TRPM3: variants seen among roughly 807,000 people sequenced by gnomAD.
The protein encoded by TRPM3 is long transient receptor potential channel 3.
A neutral mutation model predicts 181.2 loss-of-function variants in TRPM3; 77 were observed. The ratio of observed to expected loss-of-function variants is 0.42; its 90% CI spans 0.35 to 0.51. The LOEUF is 0.51. Among genes scored for constraint, TRPM3 ranks in the 20% least tolerant of loss-of-function variants. The probability of loss-of-function intolerance (pLI) is 0.01; values close to 1 mark genes in which losing one functional copy is unlikely to be tolerated. For missense variants in TRPM3, 1,759 were observed against 2,196.7 expected (o/e 0.80, Z 3.98); for synonymous variants, 745 against 796.4 (o/e 0.94, Z 1.09).
At chr9:70,991,825 C>T (rs1238614297) in intron 1 of TRPM3, among the ~76,000 whole-genome samples, 1 of 152,162 alleles carries the variant, frequency 6.6e-6, no homozygotes, top group Non-Finnish European at 1.5e-5. Context: ...TCCTTGTACT[C>T]TACATTCCAT....
At chr9:71,316,046 A>G (rs953855204) in intron 1 of TRPM3, among the ~76,000 whole-genome samples, 2 of 152,186 alleles carry the variant, frequency 1.3e-5, no homozygotes, top group African/African-American at 4.8e-5. Context: ...TTTGCTATAG[A>G]ACTTCAAGTA....
intron 3 of TRPM3, among the ~76,000 whole-genome samples, chr9:70,857,244 C>A (rs985012709): frequency 3.3e-5 from 5 of 152,092 alleles, no homozygotes; most frequent in African/African-American, 1.2e-4. Context: ...TGGCTTGGTA[C>A]TTAACAGGAA....
At chr9:71,374,709 G>C (rs573125396) in intron 1 of TRPM3, among the ~76,000 whole-genome samples, 4 of 152,146 alleles carry the variant, frequency 2.6e-5, no homozygotes, top group African/African-American at 9.7e-5. Context: ...CATTGTCTCA[G>C]CCCAAAAGCT....
chr9:71,283,675 G>A (rs1453543242), intron 1 of TRPM3, among the ~76,000 whole-genome samples: 2 of 152,116 alleles, frequency 1.3e-5, no homozygotes, highest in African/African-American at 4.8e-5. Flanking sequence ...TTCATCTGTT[G>A]GTGGGCACTT....
intron 9 of TRPM3, among the ~76,000 whole-genome samples, chr9:70,651,927 A>G (rs1366325562): frequency 6.6e-6 from 1 of 152,134 alleles, no homozygotes; most frequent in African/African-American, 2.4e-5. Flanking sequence ...TAACTGAAAT[A>G]TTGGGAATGG....
intron 1 of TRPM3, among the ~76,000 whole-genome samples, chr9:71,394,008 T>C (rs1006937118): frequency 1.3e-5 from 2 of 152,200 alleles, no homozygotes; most frequent in Admixed American, 1.3e-4. Context: ...AAAATGTGTA[T>C]TGTGTATGTA....
intron 1 of TRPM3, among the ~76,000 whole-genome samples, chr9:71,425,463 A>G (rs2093847016): frequency 6.6e-6 from 1 of 152,118 alleles, no homozygotes; most frequent in African/African-American, 2.4e-5. Context: ...TTCTTGATTC[A>G]TGTGCCTCTC....
At chr9:71,020,018 C>T (rs2097829782) in intron 1 of TRPM3, among the ~76,000 whole-genome samples, 1 of 152,066 alleles carries the variant, frequency 6.6e-6, no homozygotes, top group African/African-American at 2.4e-5. Flanking sequence ...CTACTTCACA[C>T]TATACATAAT....
Position 70,534,559 on chromosome 9 carries a change from A to T in TRPM3, c.*1394T>A, listed in dbSNP as rs2041345641. Reference sequence around the variant, plus strand: ...CATGTGTATAAGTGGCATATACTATAGAACTCTTTATATGGTTTATTTGCT... The same window carrying T: ...CATGTGTATAAGTGGCATATACTATTGAACTCTTTATATGGTTTATTTGCT... On this transcript the variant is annotated 3_prime_UTR_variant, in exon 26 of 26. Coordinates refer to ENST00000677713, the MANE Select transcript of TRPM3 (RefSeq NM_001366145.2). 6.6e-6 allele frequency: 1 copy of T among 152,232 alleles called. No homozygotes were observed. The highest frequency in any genetic ancestry group is 6.5e-5 in the Admixed American group (1 of 15,280). The allele number at this position is 152,232 out of a possible 1,614,324, so 9.4% of individuals were successfully genotyped here.
intron 1 of TRPM3, among the ~76,000 whole-genome samples, chr9:71,359,061 C>A (rs2092027376): frequency 6.6e-6 from 1 of 152,224 alleles, no homozygotes; most frequent in South Asian, 2.1e-4. Context: ...GAAATGAAAG[C>A]CAAGAATCAT....
intron 12 of TRPM3, among the ~76,000 whole-genome samples, chr9:70,631,503 A>C (rs778597594): frequency 1.4e-4 from 21 of 152,058 alleles, no homozygotes; most frequent in Non-Finnish European, 2.8e-4. Context: ...TAGTATAGGT[A>C]ATTTGAAGTA....
At chr9:70,868,135 C>G (rs2095693703) in intron 1 of TRPM3, among the ~76,000 whole-genome samples, 1 of 151,938 alleles carries the variant, frequency 6.6e-6, no homozygotes, top group Non-Finnish European at 1.5e-5. Context: ...GCTTCTATGG[C>G]CCCCAGAAAA....
At chr9:70,797,990 C>A (rs2087676799) in intron 6 of TRPM3, among the ~76,000 whole-genome samples, 1 of 152,188 alleles carries the variant, frequency 6.6e-6, no homozygotes, top group African/African-American at 2.4e-5. Flanking sequence ...TCTTGGGTTC[C>A]ACCAAGTACT....
At chr9:71,402,790 C>T (rs940896853) in intron 1 of TRPM3, among the ~76,000 whole-genome samples, 4 of 152,070 alleles carry the variant, frequency 2.6e-5, no homozygotes, top group Non-Finnish European at 5.9e-5. Context: ...AGCTATGATC[C>T]ATGCTGATTG....
intron 1 of TRPM3, among the ~76,000 whole-genome samples, chr9:70,892,270 A>G (rs1362012760): frequency 2.0e-5 from 3 of 152,128 alleles, no homozygotes; most frequent in Non-Finnish European, 2.9e-5. Context: ...GAAATGAGTT[A>G]ATATGTAATA....
chr9:70,785,005 G>A (rs1444751147), intron 6 of TRPM3, among the ~76,000 whole-genome samples: 15 of 152,140 alleles, frequency 9.9e-5, no homozygotes, highest in Admixed American at 5.2e-4. Context: ...GGGATTATAG[G>A]CACGTCCACC....
At chr9:71,050,425 T>G (rs1183775898) in intron 1 of TRPM3, among the ~76,000 whole-genome samples, 3 of 152,182 alleles carry the variant, frequency 2.0e-5, no homozygotes, top group Non-Finnish European at 4.4e-5. Flanking sequence ...ATTAAAGTGT[T>G]TCCTAGACTA....
intron 8 of TRPM3, among the ~76,000 whole-genome samples, chr9:70,747,860 T>A (rs1394743951): frequency 6.6e-6 from 1 of 151,890 alleles, no homozygotes; most frequent in Non-Finnish European, 1.5e-5. Flanking sequence ...CAAGGAAGAA[T>A]GAGGGTATGA....
rs552998456 is a variant in TRPM3, at chr9:70,878,713, A to G, written c.178-14202T>C. ...ATTTTTGTACTCTTATCATTCACAA[A>G]CAGTTTGTGGGCCAACACCAGTTTA... On this transcript the variant is annotated intron_variant, in intron 1 of 25. Transcript: ENST00000677713. 3.4e-4 allele frequency among the ~76,000 whole-genome samples: 51 copies of G among 152,144 alleles called. 2 individuals are homozygous for G. In the South Asian group the frequency reaches 0.01, roughly 30 times the overall value.
Sources: allele counts gnomAD v4.1 joint callset (sites outside exome capture counted in the v4.1 genomes callset), GRCh38; gene constraint gnomAD v4.1.1; transcripts MANE v1.5; gene names NCBI Gene and HGNC (gene_info 2026-07-23, HGNC 2026-07-21).